AP1G1: variants seen among roughly 807,000 people sequenced by gnomAD.
AP1G1 encodes adaptor related protein complex 1 subunit gamma 1.
In AP1G1, 7 loss-of-function variants were observed where a neutral mutation model predicts 108.3. That is an observed-to-expected ratio of 0.06 (90% confidence interval 0.04 to 0.12). AP1G1 has a LOEUF of 0.12. AP1G1 is among the 10% of genes least tolerant of loss of function. AP1G1 has a pLI of 1.00. For missense variants in AP1G1, 756 were observed against 1,010.7 expected (o/e 0.75, Z 3.42); for synonymous variants, 379 against 353.5 (o/e 1.07, Z -0.81).
chr16:71,778,247 G>A lies in AP1G1; in HGVS notation c.202-3655C>T, dbSNP rs932387883. 2.8e-4 allele frequency among the ~76,000 whole-genome samples: 43 copies of A among 152,166 alleles called. 1 individual carries two copies. The highest frequency in any genetic ancestry group is 2.4e-3 in the Admixed American group (36 of 15,276). ...AAACAAGCATTTGCTTTTTGAAGGT[G>A]ACAAATCTAAGGGAAAATATAAGGT... is the stretch of plus-strand genomic sequence containing the variant. On this transcript the variant is annotated intron_variant, in intron 2 of 22. Transcript: ENST00000299980.
intron 4 of AP1G1, 195 bp downstream of exon 4, chr16:71,773,026 T>C (rs1261421049): frequency 1.4e-6 from 1 of 710,078 alleles, no homozygotes; most frequent in East Asian, 2.9e-5. Flanking sequence ...ATATATCCAG[T>C]AACATTTGTT....
At chr16:71,733,663 A>G (rs1675386326) in intron 22 of AP1G1, among the ~76,000 whole-genome samples, 1 of 152,144 alleles carries the variant, frequency 6.6e-6, no homozygotes. Flanking sequence ...ACCATGGAGC[A>G]TTCTCCTAGT....
chr16:71,753,174 C>T (rs928797950), intron 13 of AP1G1, among the ~76,000 whole-genome samples: 4 of 152,112 alleles, frequency 2.6e-5, no homozygotes, highest in African/African-American at 9.7e-5. Context: ...TTCATTTTTA[C>T]TCTTAAATAC....
rs896157880 is a variant in AP1G1 at position 71,745,504 on chromosome 16, G to A, written c.1841C>T (p.Pro614Leu). 4 of 1,614,026 alleles carry A rather than the reference G, an allele frequency of 2.5e-6. No homozygotes were observed. Among genetic ancestry groups the A allele is most frequent in the South Asian group, 1.1e-5 (1 of 91,090 alleles). Residue 614 changes from proline to leucine, a missense_variant, in exon 18 of 23, where the codon CCG becomes CTG. Around this residue, in one of 3 missense-constraint regions of AP1G1, gnomAD observed 357 missense variants for 366.5 expected, o/e 0.97. Coordinates refer to ENST00000299980, the MANE Select transcript of AP1G1 (RefSeq NM_001128.6). Reference protein sequence around the residue: ...ETEPAPLETKPPPSGPQPTSQ... With the variant: ...ETEPAPLETKLPPSGPQPTSQ... Reference sequence around the variant, plus strand: ...GGTGGGCTGTGGCCCAGAGGGTGGCGGTTTGGTCTCTAGTGGAGCTGGTTC... The same window carrying A: ...GGTGGGCTGTGGCCCAGAGGGTGGCAGTTTGGTCTCTAGTGGAGCTGGTTC...
intron 1 of AP1G1, among the ~76,000 whole-genome samples, chr16:71,799,473 T>G (rs1277431144): frequency 6.6e-6 from 1 of 152,132 alleles, no homozygotes; most frequent in African/African-American, 2.4e-5. Flanking sequence ...AAGATAGAAT[T>G]ATATTTACTG....
intron 2 of AP1G1, among the ~76,000 whole-genome samples, chr16:71,777,331 G>C (rs1326326767): frequency 6.6e-6 from 1 of 151,594 alleles, no homozygotes; most frequent in Non-Finnish European, 1.5e-5. Flanking sequence ...GCGGGAGGGA[G>C]GCAAGAAGAA....
At chr16:71,808,535 G>A (rs577177223) in intron 1 of AP1G1, 4 of 1,283,416 alleles carry the variant, frequency 3.1e-6, no homozygotes, top group Middle Eastern at 2.2e-4. Context: ...ACGGAACGCC[G>A]CGGCGCGCGG....
rs553514772 is a variant in AP1G1, at chr16:71,804,419, T to G, written c.-4+4344A>C. ...TATATGCTCTCTTAATTTTTTTTTT[T>G]TTTTTTTGAGACAGAGCCTCCATCT... On this transcript the variant is annotated intron_variant, in intron 1 of 22. Coordinates refer to ENST00000299980, the MANE Select transcript of AP1G1 (RefSeq NM_001128.6). Among the ~76,000 whole-genome samples, 8 of 149,188 alleles carry G rather than the reference T, an allele frequency of 5.4e-5. No homozygotes were observed. In the South Asian group the frequency reaches 1.5e-3, roughly 28 times the overall value.
chr16:71,761,376 G>T, intron 10 of AP1G1, 136 bp downstream of exon 10: 2 of 703,788 alleles, frequency 2.8e-6, no homozygotes, highest in Non-Finnish European at 5.0e-6. Context: ...AGTGTTTTAA[G>T]ACCAGAAAAA....
intron 3 of AP1G1, among the ~76,000 whole-genome samples, chr16:71,773,851 T>C (rs909678400): frequency 2.1e-5 from 3 of 146,134 alleles, no homozygotes; most frequent in Non-Finnish European, 4.5e-5. Context: ...GCTGAGTAGC[T>C]ACCCAGGTTC....
intron 12 of AP1G1, 150 bp from the exon 13 acceptor site, chr16:71,754,037 G>C: frequency 1.4e-6 from 1 of 710,502 alleles, no homozygotes; most frequent in Non-Finnish European, 2.4e-6. Context: ...TCAGGAGTTC[G>C]AGACCAGCCT....
intron 6 of AP1G1, chr16:71,766,426 A>G (rs577278070): frequency 4.3e-6 from 2 of 469,890 alleles, no homozygotes; most frequent in East Asian, 1.4e-4. Flanking sequence ...GATGTTTTAA[A>G]TATTGGCACT....
chr16:71,786,043 C>G (rs1162429189), intron 2 of AP1G1, among the ~76,000 whole-genome samples: 3 of 152,080 alleles, frequency 2.0e-5, no homozygotes, highest in Non-Finnish European at 4.4e-5. Flanking sequence ...GATGGTGACT[C>G]ATTGAAACAG....
intron 1 of AP1G1, chr16:71,806,611 C>T (rs1362132602): frequency 1.1e-6 from 1 of 918,636 alleles, no homozygotes; most frequent in African/African-American, 1.8e-5. Flanking sequence ...TATGTGATAG[C>T]TCTTCTAACA....
intron 1 of AP1G1, among the ~76,000 whole-genome samples, chr16:71,801,922 C>CAAAAAAAAA (rs901972267): frequency 3.1e-5 from 2 of 63,770 alleles, no homozygotes; most frequent in Non-Finnish European, 6.4e-5. Flanking sequence ...ACTCCGTAAC[C>CAAAAAAAAA]AAAAAAAAAA....
rs765827927 is a variant in AP1G1 at position 71,734,663 on chromosome 16, T to C, written c.2313A>G (p.Pro771=). ...QLLSPSSSIV[P]AFNTGTITQV... ...GTGTGATGGTCCCCGTGTTAAATGCTGGGACAATGCTGCTGCTAGGAGACA... is the reference window on the plus strand; with the variant it reads ...GTGTGATGGTCCCCGTGTTAAATGCCGGGACAATGCTGCTGCTAGGAGACA... Residue 771 remains proline (P), a synonymous_variant, in exon 22 of 23, where the codon CCA becomes CCG. Coordinates refer to ENST00000299980, the MANE Select transcript of AP1G1 (RefSeq NM_001128.6). 4 of 1,614,168 alleles carry C rather than the reference T, an allele frequency of 2.5e-6. No homozygotes were observed. The highest frequency in any genetic ancestry group is 2.5e-6 in the Non-Finnish European group (3 of 1,180,000).
At chr16:71,742,011 T>C (rs1441996449) in intron 19 of AP1G1, among the ~76,000 whole-genome samples, 1 of 152,172 alleles carries the variant, frequency 6.6e-6, no homozygotes, top group Non-Finnish European at 1.5e-5. Context: ...TATAATGGGG[T>C]AAAACTGTAA....
intron 1 of AP1G1, among the ~76,000 whole-genome samples, chr16:71,795,160 CCA>C (rs2032542545): frequency 6.6e-6 from 1 of 152,004 alleles, no homozygotes; most frequent in East Asian, 1.9e-4. Context: ...CTCACACTGC[CCA>C]CTGTGCACTT....
At position 71,781,503 on chromosome 16, in the gene AP1G1, TA is replaced by T. The variant is rs2032016422; in HGVS notation, c.202-6912del. Among the ~76,000 whole-genome samples, 4 of 152,202 alleles carry T rather than the reference TA, an allele frequency of 2.6e-5. No homozygotes were observed. The South Asian group carries it at 8.3e-4, about 31-fold the overall frequency. ...CAATCTCATTTCTCCATCCCAGAAGTAATCAGAACCCTAAACTGCTGCTCAT... is the reference window on the plus strand; with the variant it reads ...CAATCTCATTTCTCCATCCCAGAAGTATCAGAACCCTAAACTGCTGCTCAT... On this transcript the variant is annotated intron_variant, in intron 2 of 22. Transcript: ENST00000299980.
Sources: allele counts gnomAD v4.1 joint callset (sites outside exome capture counted in the v4.1 genomes callset), GRCh38; gene constraint gnomAD v4.1.1; regional missense constraint gnomAD v4.1.1; transcripts MANE v1.5; gene names NCBI Gene and HGNC (gene_info 2026-07-23, HGNC 2026-07-21).